The following EPHA4 variants were observed in gnomAD, a reference collection of about 807,000 sequenced individuals.
EPHA4 encodes the protein EPH receptor A4, also known as ephrin type-A receptor 4.
Under a neutral mutation model 108.3 loss-of-function variants are expected in EPHA4, and 19 were observed. The ratio of observed to expected loss-of-function variants is 0.18; its 90% CI spans 0.12 to 0.26. The LOEUF (loss-of-function observed/expected upper bound fraction) is 0.26, where lower values mean the gene tolerates loss of function less well. EPHA4 is among the 10% of genes least tolerant of loss of function. The pLI is 1.00. For synonymous variants in EPHA4, 449 were observed against 455.5 expected, an observed-to-expected ratio of 0.99 and a Z score of 0.18; for missense variants, 917 against 1,254.0, an observed-to-expected ratio of 0.73 and a Z score of 4.06.
intron 1 of EPHA4, 50 bp downstream of exon 1, chr2:221,572,108 G>T: frequency 1.3e-6 from 2 of 1,514,992 alleles, no homozygotes; most frequent in East Asian, 2.3e-5. Context: ...CCCCTCACCC[G>T]CGATGGCCCC....
intron 5 of EPHA4, among the ~76,000 whole-genome samples, chr2:221,477,444 A>G (rs1282581580): frequency 6.6e-6 from 1 of 152,156 alleles, no homozygotes; most frequent in African/African-American, 2.4e-5. Context: ...TTCATTGCGG[A>G]GGATTGGGGA....
chr2:221,541,221 A>C (rs1250121835), intron 3 of EPHA4, among the ~76,000 whole-genome samples: 3 of 152,138 alleles, frequency 2.0e-5, no homozygotes, highest in African/African-American at 7.2e-5. Flanking sequence ...AAGTGCTGGG[A>C]TTACAGGCAT....
intron 13 of EPHA4, 100 bp from the exon 14 acceptor site, chr2:221,434,391 T>C: frequency 8.1e-7 from 1 of 1,233,094 alleles, no homozygotes; most frequent in South Asian, 1.5e-5. Flanking sequence ...GACAACAGCA[T>C]TCTTGAGATA....
At chr2:221,449,746 C>T (rs568879063) in intron 8 of EPHA4, among the ~76,000 whole-genome samples, 3 of 152,324 alleles carry the variant, frequency 2.0e-5, no homozygotes, top group Non-Finnish European at 4.4e-5. Flanking sequence ...ATAAACCATG[C>T]TTTTACTAAA....
chr2:221,472,602 T>C (rs960822385), intron 5 of EPHA4, among the ~76,000 whole-genome samples: 1 of 152,014 alleles, frequency 6.6e-6, no homozygotes, highest in Admixed American at 6.6e-5. Context: ...CCCACAGCCT[T>C]TATTAAAAGG....
chr2:221,421,299 C>CAAA lies in EPHA4; in HGVS notation c.*820-750_*820-748dup, dbSNP rs558743676. ...TGGGTGACAGAGCGAGACTCTGTCT[C>CAAA]AAAAAAAAAAGAAAAGAAAAAAAAG... is the stretch of plus-strand genomic sequence containing the variant. On this transcript the variant is annotated intron_variant, in intron 17 of 17. Coordinates refer to ENST00000281821, the MANE Select transcript of EPHA4 (RefSeq NM_004438.5). Among the ~76,000 whole-genome samples the CAAA allele has an allele frequency of 4.6e-4, 56 of 121,624 alleles. 2 individuals carry two copies. Among genetic ancestry groups the CAAA allele is most frequent in the African/African-American group, 1.5e-3 (50 of 32,636 alleles). 79.8% of individuals were successfully genotyped at this position (121,624 alleles called of 152,430 possible). A position where few individuals can be genotyped will look rare whatever the true frequency, so the allele number is the denominator to read the frequency against.
At chr2:221,556,842 C>G (rs1694319909) in intron 3 of EPHA4, among the ~76,000 whole-genome samples, 1 of 152,128 alleles carries the variant, frequency 6.6e-6, no homozygotes, top group South Asian at 2.1e-4. Context: ...TTGGCATTCT[C>G]TTACTGTGCT....
At chr2:221,490,254 A>T (rs1277035139) in intron 4 of EPHA4, among the ~76,000 whole-genome samples, 1 of 150,238 alleles carries the variant, frequency 6.7e-6, no homozygotes, top group Non-Finnish European at 1.5e-5. Flanking sequence ...CACATGCTAA[A>T]ATGTAAAAAA....
intron 13 of EPHA4, among the ~76,000 whole-genome samples, chr2:221,434,688 A>G (rs534018563): frequency 1.3e-5 from 2 of 152,324 alleles, no homozygotes; most frequent in South Asian, 4.1e-4. Flanking sequence ...CAATGCTTAC[A>G]CTGCTTCAAA....
intron 3 of EPHA4, among the ~76,000 whole-genome samples, chr2:221,507,997 G>A (rs1276146098): frequency 6.6e-6 from 1 of 152,070 alleles, no homozygotes; most frequent in Non-Finnish European, 1.5e-5. Context: ...GTTTATGATG[G>A]TCTGGTGAGT....
intron 5 of EPHA4, among the ~76,000 whole-genome samples, chr2:221,458,645 G>T (rs1008210040): frequency 6.6e-6 from 1 of 152,286 alleles, no homozygotes; most frequent in East Asian, 1.9e-4. Context: ...TGTTGCCTTT[G>T]CCTGCTCTTT....
intron 3 of EPHA4, among the ~76,000 whole-genome samples, chr2:221,562,552 T>A (rs1694500509): frequency 6.6e-6 from 1 of 152,206 alleles, no homozygotes; most frequent in African/African-American, 2.4e-5. Context: ...CCAAATCAGA[T>A]GAACCATGTG....
intron 8 of EPHA4, among the ~76,000 whole-genome samples, chr2:221,448,174 AC>A (rs1407904862): frequency 1.4e-5 from 2 of 145,022 alleles, no homozygotes; most frequent in African/African-American, 5.0e-5. Flanking sequence ...CTTCATGACA[AC>A]CCTTTGAAAG....
chr2:221,547,479 G>C (rs1361403281), intron 3 of EPHA4, among the ~76,000 whole-genome samples: 1 of 152,174 alleles, frequency 6.6e-6, no homozygotes, highest in Non-Finnish European at 1.5e-5. Flanking sequence ...TGTTTCTGCT[G>C]TGATACAGAG....
chr2:221,430,845 T>A (rs958775822), intron 14 of EPHA4, among the ~76,000 whole-genome samples: 2 of 152,190 alleles, frequency 1.3e-5, no homozygotes, highest in African/African-American at 4.8e-5. Context: ...GCATTTACAT[T>A]TTAAAGGAGA....
chr2:221,550,418 G>GGAGAGAGAGA (rs71406572), intron 3 of EPHA4, among the ~76,000 whole-genome samples: 9 of 135,664 alleles, frequency 6.6e-5, no homozygotes, highest in South Asian at 5.0e-4. Context: ...TGAGGAAAGG[G>GGAGAGAGAGA]GAGAGAGAGA....
At chr2:221,534,172 A>G (rs1693598065) in intron 3 of EPHA4, among the ~76,000 whole-genome samples, 1 of 152,204 alleles carries the variant, frequency 6.6e-6, no homozygotes, top group African/African-American at 2.4e-5. Context: ...GATTCCCAAA[A>G]GAATGATTTA....
chr2:221,499,737 TA>T (rs1559267591), intron 4 of EPHA4, among the ~76,000 whole-genome samples: 27 of 52,220 alleles, frequency 5.2e-4, no homozygotes, highest in African/African-American at 2.2e-3. Context: ...TATATATATA[TA>T]TATATATATA....
intron 3 of EPHA4, among the ~76,000 whole-genome samples, chr2:221,512,570 C>G (rs1415471861): frequency 6.6e-6 from 1 of 152,144 alleles, no homozygotes; most frequent in Non-Finnish European, 1.5e-5. Context: ...AGATGAGTGG[C>G]TCATTATACA....
Sources: gnomAD v4.1 joint callset for allele counts (sites outside exome capture counted in the v4.1 genomes callset) on GRCh38, gnomAD v4.1.1 for gene constraint, MANE v1.5 for transcripts, NCBI Gene and HGNC (gene_info 2026-07-23, HGNC 2026-07-21) for gene names.